DPP6: variants seen among roughly 807,000 people sequenced by gnomAD.
DPP6 encodes dipeptidyl peptidase like 6.
Under a neutral mutation model 122.6 loss-of-function variants are expected in DPP6, and 69 were observed. The observed-to-expected ratio is 0.56, with a 90% confidence interval of 0.46 to 0.69. The LOEUF (loss-of-function observed/expected upper bound fraction) is 0.69, where lower values mean the gene tolerates loss of function less well. Ranked by LOEUF, DPP6 falls within the 30% of genes least tolerant of loss-of-function variation. The pLI is 0.00. For missense variants in DPP6, 928 were observed against 1,116.9 expected, an observed-to-expected ratio of 0.83 and a Z score of 2.41; for synonymous variants, 418 against 433.1, an observed-to-expected ratio of 0.97 and a Z score of 0.43.
chr7:154,221,341 A>G (rs1800294512), intron 1 of DPP6, among the ~76,000 whole-genome samples: 1 of 152,100 alleles, frequency 6.6e-6, no homozygotes, highest in African/African-American at 2.4e-5. Context: ...GGGTTTCACC[A>G]TGTTGGCCAG....
chr7:154,718,723 T>G (rs1400661111), intron 7 of DPP6, among the ~76,000 whole-genome samples: 1 of 142,710 alleles, frequency 7.0e-6, no homozygotes, highest in East Asian at 2.3e-4. Flanking sequence ...CACTGCAACC[T>G]CCACCTCCCA....
intron 1 of DPP6, among the ~76,000 whole-genome samples, chr7:153,970,081 A>G (rs1325983926): frequency 1.3e-5 from 2 of 152,242 alleles, no homozygotes; most frequent in Non-Finnish European, 2.9e-5. Context: ...GATCCATTCA[A>G]CAGTTGATGG....
chr7:154,286,201 G>T (rs2150957985), intron 1 of DPP6, among the ~76,000 whole-genome samples: 1 of 152,226 alleles, frequency 6.6e-6, no homozygotes, highest in South Asian at 2.1e-4. Flanking sequence ...AAGGGACATG[G>T]TTTTGTCCAG....
At chr7:154,767,764 C>T (rs1408314587) in intron 8 of DPP6, among the ~76,000 whole-genome samples, 4 of 152,134 alleles carry the variant, frequency 2.6e-5, no homozygotes, top group Admixed American at 2.6e-4. Context: ...TCCCTGAGCA[C>T]TGCTCTCCAT....
At chr7:154,284,144 T>A (rs1229168159) in intron 1 of DPP6, among the ~76,000 whole-genome samples, 1 of 152,102 alleles carries the variant, frequency 6.6e-6, no homozygotes, top group East Asian at 1.9e-4. Flanking sequence ...GGAACCCCAC[T>A]GGGTCTTCTG....
chr7:154,147,623 GCACC>G (rs1466354650), intron 1 of DPP6, among the ~76,000 whole-genome samples: 2 of 151,374 alleles, frequency 1.3e-5, no homozygotes, highest in East Asian at 3.9e-4. Flanking sequence ...GGGATTACAG[GCACC>G]CACCACTATA....
At chr7:154,476,153 T>C (rs10252777) in intron 3 of DPP6, among the ~76,000 whole-genome samples, 57,988 of 151,846 alleles carry the variant, frequency 0.38, 11,857 homozygotes, top group African/African-American at 0.51. Context: ...TCGTCCTCTA[T>C]TGTGGCTTCA....
the DPP6 span, among the ~76,000 whole-genome samples, chr7:153,770,221 G>A: frequency 6.6e-6 from 1 of 152,114 alleles, no homozygotes; most frequent in Non-Finnish European, 1.5e-5. Context: ...AATACTCATT[G>A]CAACTGGTGT....
At chr7:154,703,676 G>A (rs1489173327) in intron 7 of DPP6, among the ~76,000 whole-genome samples, 2 of 151,350 alleles carry the variant, frequency 1.3e-5, no homozygotes, top group African/African-American at 2.4e-5. Flanking sequence ...GGTGGCTCAC[G>A]CCTGTACTTG....
chr7:154,174,491 G>A (rs1797695731), intron 1 of DPP6, among the ~76,000 whole-genome samples: 1 of 152,176 alleles, frequency 6.6e-6, no homozygotes, highest in African/African-American at 2.4e-5. Context: ...TAAATCCTTG[G>A]AATTGATACA....
chr7:154,327,157 C>T (rs1372186581), intron 1 of DPP6, among the ~76,000 whole-genome samples: 9 of 151,986 alleles, frequency 5.9e-5, no homozygotes, highest in Non-Finnish European at 1.5e-5. Context: ...AAGATTTAGG[C>T]TTCCAGGCAA....
At position 154,212,264 on chromosome 7, in the gene DPP6, G is replaced by A. The variant is rs78221351; in HGVS notation, c.243+159201G>A. ...TTCTCATTTCAGGACAGTTTCCCCAGGCGCTTTCAACTTCTTATACCTTAA... is the reference window on the plus strand; with the variant it reads ...TTCTCATTTCAGGACAGTTTCCCCAAGCGCTTTCAACTTCTTATACCTTAA... On this transcript the variant is annotated intron_variant, in intron 1 of 25. Transcript: ENST00000377770. Among the ~76,000 whole-genome samples, 3 of 152,258 alleles carry A rather than the reference G, an allele frequency of 2.0e-5. No individual in the cohort carries two copies. In the East Asian group the frequency reaches 5.8e-4, roughly 29 times the overall value.
chr7:154,842,206 C>T (rs1801608095), intron 16 of DPP6, among the ~76,000 whole-genome samples: 1 of 152,232 alleles, frequency 6.6e-6, no homozygotes, highest in Non-Finnish European at 1.5e-5. Flanking sequence ...TGAAACCATT[C>T]ACCAATGCTT....
At chr7:153,881,024 G>T in the DPP6 span, among the ~76,000 whole-genome samples, 1 of 152,190 alleles carries the variant, frequency 6.6e-6, no homozygotes, top group Non-Finnish European at 1.5e-5. Context: ...ATATGCCTAG[G>T]TTTAAAGAAG....
At chr7:154,404,982 A>G (rs1175499433) in intron 1 of DPP6, among the ~76,000 whole-genome samples, 1 of 152,244 alleles carries the variant, frequency 6.6e-6, no homozygotes, top group African/African-American at 2.4e-5. Context: ...TAATAATAAC[A>G]AATGTGTTTT....
chr7:154,692,726 C>T (rs1197117657), intron 7 of DPP6, among the ~76,000 whole-genome samples: 3 of 152,036 alleles, frequency 2.0e-5, no homozygotes, highest in Non-Finnish European at 2.9e-5. Flanking sequence ...GCGCATCTAC[C>T]CATCATCCTT....
intron 1 of DPP6, among the ~76,000 whole-genome samples, chr7:154,044,779 A>G (rs1398819781): frequency 6.6e-6 from 1 of 152,230 alleles, no homozygotes; most frequent in Non-Finnish European, 1.5e-5. Context: ...TGAACTTTAA[A>G]TGTTTATTAA....
intron 6 of DPP6, among the ~76,000 whole-genome samples, chr7:154,662,206 C>T (rs1339010727): frequency 2.7e-5 from 4 of 150,008 alleles, no homozygotes; most frequent in East Asian, 2.0e-4. Context: ...GCATATTGGC[C>T]GTAGCGTTCA....
intron 6 of DPP6, among the ~76,000 whole-genome samples, chr7:154,660,217 C>T (rs1168533373): frequency 6.7e-6 from 1 of 149,678 alleles, no homozygotes; most frequent in Admixed American, 6.6e-5. Context: ...ATCACCATGG[C>T]ATATTGGCCG....
Sources: gnomAD v4.1 joint callset for allele counts (sites outside exome capture counted in the v4.1 genomes callset) on GRCh38, gnomAD v4.1.1 for gene constraint, MANE v1.5 for transcripts, NCBI Gene and HGNC (gene_info 2026-07-23, HGNC 2026-07-21) for gene names.